Variants in PIK3AP1 observed in about 807,000 individuals in gnomAD.
PIK3AP1 encodes phosphoinositide 3-kinase adapter protein 1.
In PIK3AP1, 21 loss-of-function variants were observed where a neutral mutation model predicts 88.1. That is an observed-to-expected ratio of 0.24 (90% confidence interval 0.17 to 0.34). PIK3AP1 has a LOEUF of 0.34. Ranked by LOEUF, PIK3AP1 falls within the 10% of genes least tolerant of loss-of-function variation. The probability of loss-of-function intolerance (pLI) is 1.00; values close to 1 mark genes in which losing one functional copy is unlikely to be tolerated. For synonymous variants in PIK3AP1, 398 were observed against 400.0 expected, an observed-to-expected ratio of 1.00 and a Z score of 0.06; for missense variants, 828 against 1,035.7, an observed-to-expected ratio of 0.80 and a Z score of 2.75.
chr10:96,641,086 C>CGTGTGT (rs56816682), intron 8 of PIK3AP1, among the ~76,000 whole-genome samples: 1,719 of 143,310 alleles, frequency 0.012, 26 homozygotes, highest in African/African-American at 0.035. Context: ...GTGAGTGTGC[C>CGTGTGT]GTGTGTGTGT....
chr10:96,596,352 T>G (rs1848752994), intron 16 of PIK3AP1, among the ~76,000 whole-genome samples: 2 of 152,238 alleles, frequency 1.3e-5, no homozygotes, highest in Admixed American at 1.3e-4. Flanking sequence ...CTCTGCCTCC[T>G]CACTGGCCCT....
At chr10:96,710,270 T>C (rs920050854) in intron 1 of PIK3AP1, among the ~76,000 whole-genome samples, 1 of 152,120 alleles carries the variant, frequency 6.6e-6, no homozygotes, top group Non-Finnish European at 1.5e-5. Flanking sequence ...TCACCCAGGC[T>C]GGAGTCAGTG....
chr10:96,709,415 C>T, intron 2 of PIK3AP1, 152 bp downstream of exon 2: 1 of 925,084 alleles, frequency 1.1e-6, no homozygotes, highest in Non-Finnish European at 1.6e-6. Context: ...CTGCCCCTAT[C>T]CCACCCCAGA....
At position 96,670,047 on chromosome 10, in the gene PIK3AP1, C is replaced by T. The variant is rs369769773; in HGVS notation, c.431-13113G>A. The stretch of plus-strand genomic sequence containing the variant: ...AAAATTAGCCGGGCGTGGTGGCACG[C>T]GCCTGTAGTCCCAGCTACTCGGGAA... On this transcript the variant is annotated intron_variant, in intron 2 of 16. Transcript: ENST00000339364. Among the ~76,000 whole-genome samples, 687 of 151,098 alleles carry T rather than the reference C, an allele frequency of 4.5e-3. 8 individuals are homozygous for T. Among genetic ancestry groups the T allele is most frequent in the Middle Eastern group, 0.024 (7 of 290 alleles).
intron 2 of PIK3AP1, among the ~76,000 whole-genome samples, chr10:96,673,783 T>G (rs1047788129): frequency 6.6e-6 from 1 of 152,222 alleles, no homozygotes; most frequent in Non-Finnish European, 1.5e-5. Flanking sequence ...ACTGAGAGGC[T>G]GAAGGCAACT....
chr10:96,610,062 C>G (rs1849081782), intron 13 of PIK3AP1, among the ~76,000 whole-genome samples, 195 bp from the exon 14 acceptor site: 1 of 152,148 alleles, frequency 6.6e-6, no homozygotes, highest in African/African-American at 2.4e-5. Flanking sequence ...ACTACTGAAT[C>G]CTGTGTGGCT....
At chr10:96,628,364 T>C in intron 9 of PIK3AP1, 34 bp downstream of exon 9, 3 of 1,515,324 alleles carry the variant, frequency 2.0e-6, no homozygotes, top group Non-Finnish European at 2.8e-6. Context: ...TCTCTTTTGC[T>C]CTTTTGGCTT....
intron 8 of PIK3AP1, among the ~76,000 whole-genome samples, chr10:96,634,255 G>A (rs1395327179): frequency 1.3e-5 from 2 of 152,228 alleles, no homozygotes; most frequent in East Asian, 3.8e-4. Flanking sequence ...AAGGTGCAGG[G>A]AGGAGAGAGG....
At chr10:96,642,425 CAAAAA>C (rs34912752) in intron 8 of PIK3AP1, among the ~76,000 whole-genome samples, 1 of 98,964 alleles carries the variant, frequency 1.0e-5, no homozygotes, top group Non-Finnish European at 2.1e-5. Context: ...GATGTTGTCT[CAAAAA>C]AAAAAAAAAA....
At chr10:96,710,083 AC>A in intron 1 of PIK3AP1, 100 bp from the exon 2 acceptor site, 2 of 1,212,480 alleles carry the variant, frequency 1.6e-6, no homozygotes, top group Non-Finnish European at 2.3e-6. Flanking sequence ...TGGGTCTGGC[AC>A]CCACAATCTT....
At chr10:96,620,981 C>T in intron 11 of PIK3AP1, 1 of 178,024 alleles carries the variant, frequency 5.6e-6, no homozygotes, top group Non-Finnish European at 1.2e-5. Context: ...TGAATACAGT[C>T]TCTTTCCAGA....
At chr10:96,680,514 G>A in intron 2 of PIK3AP1, among the ~76,000 whole-genome samples, 1 of 152,042 alleles carries the variant, frequency 6.6e-6, no homozygotes, top group Non-Finnish European at 1.5e-5. Context: ...ATGTATCCAT[G>A]TGTTCTCATC....
At chr10:96,628,360 T>C in intron 9 of PIK3AP1, 38 bp downstream of exon 9, 1 of 1,496,084 alleles carries the variant, frequency 6.7e-7, no homozygotes, top group Non-Finnish European at 9.3e-7. Context: ...TGTTTCTCTT[T>C]TGCTCTTTTG....
chr10:96,666,342 C>T (rs1843761192), intron 2 of PIK3AP1, among the ~76,000 whole-genome samples: 1 of 152,066 alleles, frequency 6.6e-6, no homozygotes. Context: ...TGGCGTGAAC[C>T]TGGGAGGCGG....
chr10:96,600,465 G>A (rs1330812955), intron 16 of PIK3AP1, among the ~76,000 whole-genome samples: 2 of 152,222 alleles, frequency 1.3e-5, no homozygotes, highest in African/African-American at 4.8e-5. Context: ...TTACTGCTAA[G>A]CTTCCTTCCA....
intron 8 of PIK3AP1, among the ~76,000 whole-genome samples, chr10:96,638,408 A>G (rs1843340110): frequency 1.3e-5 from 2 of 152,006 alleles, no homozygotes; most frequent in Admixed American, 1.3e-4. Context: ...TACCCAGTCC[A>G]TGGTGTTCTG....
intron 14 of PIK3AP1, among the ~76,000 whole-genome samples, chr10:96,607,875 T>A (rs1258652003): frequency 6.6e-6 from 1 of 152,218 alleles, no homozygotes; most frequent in African/African-American, 2.4e-5. Flanking sequence ...GGATAAGGTA[T>A]AAATGAAGGG....
At chr10:96,595,692 G>A in intron 16 of PIK3AP1, 58 bp from the exon 17 acceptor site, 2 of 1,553,558 alleles carry the variant, frequency 1.3e-6, no homozygotes, top group Non-Finnish European at 1.8e-6. Context: ...ACAGTTCTTA[G>A]GAATGCACAA....
intron 2 of PIK3AP1, among the ~76,000 whole-genome samples, chr10:96,678,648 G>C (rs1035711159): frequency 4.6e-5 from 7 of 152,020 alleles, no homozygotes; most frequent in Admixed American, 1.3e-4. Flanking sequence ...AGGGAGCATG[G>C]GTTAAAACAG....
Sources: allele counts gnomAD v4.1 joint callset (sites outside exome capture counted in the v4.1 genomes callset), GRCh38; gene constraint gnomAD v4.1.1; transcripts MANE v1.5; gene names NCBI Gene and HGNC (gene_info 2026-07-23, HGNC 2026-07-21).